Variants in ASIC2 observed in about 807,000 individuals in gnomAD.
ASIC2 encodes the protein acid-sensing ion channel 2.
Under a neutral mutation model 57.3 loss-of-function variants are expected in ASIC2, and 25 were observed. The ratio of observed to expected loss-of-function variants is 0.44; its 90% CI spans 0.32 to 0.61. The LOEUF is 0.61. ASIC2 is among the 20% of genes least tolerant of loss of function. The pLI is 0.06. For synonymous variants in ASIC2, 319 were observed against 307.5 expected (o/e 1.04, Z -0.39); for missense variants, 641 against 738.1 (o/e 0.87, Z 1.52).
At chr17:33,174,159 C>T (rs1486562189) in intron 1 of ASIC2, among the ~76,000 whole-genome samples, 7 of 152,106 alleles carry the variant, frequency 4.6e-5, no homozygotes, top group South Asian at 2.1e-4. Flanking sequence ...CGGTGGTTCA[C>T]GCCTGTAATC....
chr17:33,396,400 C>T lies in ASIC2; in HGVS notation c.556-284333G>A, dbSNP rs188064683. 5.0e-3 allele frequency among the ~76,000 whole-genome samples: 763 copies of T among 152,242 alleles called. 6 individuals carry two copies. Among genetic ancestry groups the T allele is most frequent in the Non-Finnish European group, 7.8e-3 (532 of 68,016 alleles). The stretch of plus-strand genomic sequence containing the variant: ...CTGCTATGTACTAGGCATACATAGG[C>T]CTGTTATCTCACTCAACCTTTATAA... On this transcript the variant is annotated intron_variant, in intron 1 of 9. Transcript: ENST00000359872.
chr17:33,146,867 AT>A (rs1567762593), intron 1 of ASIC2, among the ~76,000 whole-genome samples: 1 of 152,200 alleles, frequency 6.6e-6, no homozygotes, highest in African/African-American at 2.4e-5. Flanking sequence ...GGGAGCTCTT[AT>A]TACTTCAGTC....
chr17:34,125,256 A>G (rs547221677), intron 1 of ASIC2, among the ~76,000 whole-genome samples: 4 of 152,154 alleles, frequency 2.6e-5, no homozygotes, highest in Admixed American at 1.3e-4. Context: ...AGGCCTTGTC[A>G]TTAGTTTATC....
At chr17:33,196,216 G>A (rs1455358435) in intron 1 of ASIC2, among the ~76,000 whole-genome samples, 2 of 152,118 alleles carry the variant, frequency 1.3e-5, no homozygotes, top group African/African-American at 2.4e-5. Flanking sequence ...ACAATTGAAT[G>A]GAGGTCACAT....
intron 1 of ASIC2, among the ~76,000 whole-genome samples, chr17:33,455,587 C>T (rs1912421313): frequency 6.6e-6 from 1 of 152,202 alleles, no homozygotes; most frequent in Non-Finnish European, 1.5e-5. Context: ...TTATCCAGTT[C>T]CATCATTGAT....
Position 33,137,501 on chromosome 17 carries a change from C to T in ASIC2, c.709-25434G>A, listed in dbSNP as rs373334092. 1.7e-3 allele frequency among the ~76,000 whole-genome samples: 260 copies of T among 152,314 alleles called. 2 individuals carry two copies. The highest frequency in any genetic ancestry group is 9.1e-3 in the South Asian group (44 of 4,818). ...CAACCAATATAGCATATATTTGGAG[C>T]CAGTTCCTGCTATGGATGACTGGGG... On this transcript the variant is annotated intron_variant, in intron 1 of 9. Transcript: ENST00000225823.
At chr17:33,284,484 G>A (rs570818226) in intron 1 of ASIC2, among the ~76,000 whole-genome samples, 4 of 152,190 alleles carry the variant, frequency 2.6e-5, no homozygotes, top group African/African-American at 4.8e-5. Context: ...GTCCTCTTAC[G>A]AACCGTCTTT....
intron 1 of ASIC2, among the ~76,000 whole-genome samples, chr17:33,965,392 T>G (rs369376564): frequency 2.0e-5 from 3 of 152,158 alleles, no homozygotes; most frequent in South Asian, 4.2e-4. Context: ...AAGCCACACC[T>G]TGCAGGGTTC....
chr17:33,901,901 G>T (rs748757480), intron 1 of ASIC2, among the ~76,000 whole-genome samples: 3 of 152,072 alleles, frequency 2.0e-5, no homozygotes, highest in Admixed American at 1.3e-4. Flanking sequence ...ATGATATTGC[G>T]ACTATGCTCG....
chr17:33,761,836 C>CTT (rs34948462), intron 1 of ASIC2, among the ~76,000 whole-genome samples: 26 of 137,382 alleles, frequency 1.9e-4, no homozygotes, highest in African/African-American at 3.0e-4. Flanking sequence ...AGCGCAAGGG[C>CTT]TTTTTTTTTT....
intron 1 of ASIC2, among the ~76,000 whole-genome samples, chr17:33,277,122 T>C (rs900268265): frequency 6.6e-6 from 1 of 152,222 alleles, no homozygotes; most frequent in African/African-American, 2.4e-5. Context: ...ATAAAAGTTA[T>C]TGAAGTTTGA....
chr17:33,872,418 G>A (rs8067069), intron 1 of ASIC2, among the ~76,000 whole-genome samples: 2,252 of 152,218 alleles, frequency 0.015, 58 homozygotes, highest in African/African-American at 0.051. Context: ...CATTCAACCC[G>A]TATGTGGTTT....
intron 1 of ASIC2, among the ~76,000 whole-genome samples, chr17:34,008,868 A>G (rs963554264): frequency 6.6e-5 from 10 of 152,218 alleles, no homozygotes; most frequent in African/African-American, 2.4e-4. Context: ...TCAAAAATGA[A>G]AAGTCTATCA....
intron 1 of ASIC2, among the ~76,000 whole-genome samples, chr17:33,868,435 T>C (rs1278530271): frequency 1.3e-5 from 2 of 152,142 alleles, no homozygotes; most frequent in Non-Finnish European, 2.9e-5. Context: ...CCTCACACCA[T>C]TTGCAAAAGT....
In ASIC2 at chr17:33,673,897, CTTT is replaced by C. The variant is rs574986885; in HGVS notation, c.555+482078_555+482080del. Among the ~76,000 whole-genome samples, 581 of 141,124 alleles carry C rather than the reference CTTT, an allele frequency of 4.1e-3. 11 individuals are homozygous for C. Among genetic ancestry groups the C allele is most frequent in the African/African-American group, 0.015 (551 of 37,292 alleles). 92.6% of individuals were successfully genotyped at this position (141,124 alleles called of 152,430 possible). A position where few individuals can be genotyped will look rare whatever the true frequency, so the allele number is the denominator to read the frequency against. Reference sequence around the variant, plus strand: ...TGAGCTAAGGTCTGTGCATCCGTGTCTTTTTTTTTTTTTTGGAGACGGAGTCTC... The same window carrying C: ...TGAGCTAAGGTCTGTGCATCCGTGTCTTTTTTTTTTTGGAGACGGAGTCTC... On this transcript the variant is annotated intron_variant, in intron 1 of 9. Coordinates refer to the ASIC2 transcript ENST00000359872.
intron 1 of ASIC2, among the ~76,000 whole-genome samples, chr17:33,299,011 T>C (rs1365453384): frequency 6.6e-6 from 1 of 152,214 alleles, no homozygotes; most frequent in Non-Finnish European, 1.5e-5. Context: ...ATGGCCATAC[T>C]GCCCAAGGTA....
chr17:33,395,249 T>G (rs1910035905), intron 1 of ASIC2, among the ~76,000 whole-genome samples: 1 of 151,800 alleles, frequency 6.6e-6, no homozygotes, highest in Non-Finnish European at 1.5e-5. Context: ...TCTGTATTAG[T>G]CCATTTTCAC....
chr17:33,904,774 C>T (rs1915312362), intron 1 of ASIC2, among the ~76,000 whole-genome samples: 1 of 152,328 alleles, frequency 6.6e-6, no homozygotes, highest in African/African-American at 2.4e-5. Context: ...CCCTTTTAGG[C>T]TCAGTTACTT....
rs180739193 is a variant in ASIC2 at position 33,942,907 on chromosome 17, A to G, written c.555+213071T>C. ...TTTCAGACCTATGCTCTCCACAGTA[A>G]TAGTTGGGTATCACCATTCCAGAAG... On this transcript the variant is annotated intron_variant, in intron 1 of 9. Transcript: ENST00000359872. 3.3e-5 allele frequency among the ~76,000 whole-genome samples: 5 copies of G among 152,294 alleles called. No individual in the cohort carries two copies. In the East Asian group the frequency reaches 7.7e-4, roughly 24 times the overall value.
Sources: allele counts gnomAD v4.1 joint callset (sites outside exome capture counted in the v4.1 genomes callset), GRCh38; gene constraint gnomAD v4.1.1; transcripts MANE v1.5; gene names NCBI Gene and HGNC (gene_info 2026-07-23, HGNC 2026-07-21).